ANGPT1: variants seen among roughly 807,000 people sequenced by gnomAD.
ANGPT1 encodes the protein angiopoietin-1.
ANGPT1 carries 17 observed loss-of-function variants against 62.2 expected under a neutral mutation model. The ratio of observed to expected loss-of-function variants is 0.27; its 90% CI spans 0.19 to 0.41. The LOEUF (loss-of-function observed/expected upper bound fraction) is 0.41, where lower values mean the gene tolerates loss of function less well. Ranked by LOEUF, ANGPT1 falls within the 10% of genes least tolerant of loss-of-function variation. ANGPT1 has a pLI of 1.00. For synonymous variants in ANGPT1, 199 were observed against 198.9 expected (o/e 1.00, Z 0.00); for missense variants, 478 against 594.9 (o/e 0.80, Z 2.04).
chr8:107,258,615 G>T (rs1813423614), intron 8 of ANGPT1, among the ~76,000 whole-genome samples: 1 of 152,014 alleles, frequency 6.6e-6, no homozygotes, highest in South Asian at 2.1e-4. Flanking sequence ...CTTTTTCTAA[G>T]AAATGAAACT....
chr8:107,370,738 AAGGAAGAAAAG>A (rs1343893051), intron 1 of ANGPT1, among the ~76,000 whole-genome samples: 1 of 149,946 alleles, frequency 6.7e-6, no homozygotes, highest in Non-Finnish European at 1.5e-5. Flanking sequence ...AGAAGAAAGG[AAGGAAGAAAAG>A]AAGGAAGGAA....
intron 1 of ANGPT1, among the ~76,000 whole-genome samples, chr8:107,473,806 T>C (rs1015656981): frequency 2.6e-5 from 4 of 152,072 alleles, no homozygotes; most frequent in African/African-American, 9.7e-5. Flanking sequence ...ACTTAGTAAG[T>C]AATTTAACTC....
At chr8:107,359,272 G>C (rs1258207035) in intron 1 of ANGPT1, among the ~76,000 whole-genome samples, 1 of 152,088 alleles carries the variant, frequency 6.6e-6, no homozygotes, top group Non-Finnish European at 1.5e-5. Flanking sequence ...TCAGACACAA[G>C]AAGGAACAAA....
intron 7 of ANGPT1, among the ~76,000 whole-genome samples, chr8:107,271,950 C>G (rs1416918869): frequency 6.6e-6 from 1 of 150,942 alleles, no homozygotes; most frequent in African/African-American, 2.4e-5. Flanking sequence ...TCCATGCCAA[C>G]CTAGCCTTTA....
chr8:107,472,667 T>C (rs2130501046), intron 1 of ANGPT1, among the ~76,000 whole-genome samples: 1 of 152,132 alleles, frequency 6.6e-6, no homozygotes, highest in East Asian at 1.9e-4. Flanking sequence ...AAACCATTAT[T>C]ATTCTCATTT....
At chr8:107,337,054 G>A (rs1815585058) in intron 2 of ANGPT1, among the ~76,000 whole-genome samples, 1 of 152,116 alleles carries the variant, frequency 6.6e-6, no homozygotes, top group Non-Finnish European at 1.5e-5. Context: ...TATCACACTA[G>A]GTAATGCTAG....
At chr8:107,434,759 C>T (rs1811290799) in intron 1 of ANGPT1, among the ~76,000 whole-genome samples, 1 of 152,076 alleles carries the variant, frequency 6.6e-6, no homozygotes, top group South Asian at 2.1e-4. Flanking sequence ...ATAATGTTTG[C>T]TTGTAAATGT....
intron 1 of ANGPT1, among the ~76,000 whole-genome samples, chr8:107,458,391 T>C (rs536650962): frequency 3.7e-4 from 56 of 152,288 alleles, no homozygotes; most frequent in South Asian, 2.5e-3. Flanking sequence ...CTTAGGATTG[T>C]CCATGTCAAA....
At chr8:107,455,501 T>A (rs765645188) in intron 1 of ANGPT1, among the ~76,000 whole-genome samples, 3 of 152,010 alleles carry the variant, frequency 2.0e-5, no homozygotes, top group African/African-American at 4.8e-5. Flanking sequence ...GGCAATGTGG[T>A]GAATAAGTGG....
chr8:107,315,426 G>A (rs1160762112), intron 4 of ANGPT1, among the ~76,000 whole-genome samples: 1 of 152,090 alleles, frequency 6.6e-6, no homozygotes, highest in East Asian at 1.9e-4. Context: ...AATGATTTCT[G>A]TTAACTTCCT....
chr8:107,444,533 G>A (rs534393921), intron 1 of ANGPT1, among the ~76,000 whole-genome samples: 1 of 152,260 alleles, frequency 6.6e-6, no homozygotes, highest in East Asian at 1.9e-4. Context: ...AAATGCAAAT[G>A]AAGATTTTGC....
At chr8:107,263,531 G>A (rs1813546170) in intron 8 of ANGPT1, among the ~76,000 whole-genome samples, 1 of 151,978 alleles carries the variant, frequency 6.6e-6, no homozygotes, top group South Asian at 2.1e-4. Flanking sequence ...GTTTTGCCAA[G>A]AAGCATCATT....
intron 2 of ANGPT1, among the ~76,000 whole-genome samples, chr8:107,345,826 T>C (rs948812877): frequency 6.6e-6 from 1 of 152,182 alleles, no homozygotes; most frequent in Admixed American, 6.5e-5. Context: ...GCAAAAAGTA[T>C]TTTCCAAAGC....
chr8:107,312,063 CAAAAAAAA>C (rs927603600), intron 4 of ANGPT1, among the ~76,000 whole-genome samples: 2 of 71,084 alleles, frequency 2.8e-5, no homozygotes, highest in East Asian at 8.6e-4. Flanking sequence ...GACTCCGTTT[CAAAAAAAA>C]AAAAAAAAAA....
chr8:107,331,250 C>T (rs1228033201), intron 3 of ANGPT1, among the ~76,000 whole-genome samples: 1 of 152,030 alleles, frequency 6.6e-6, no homozygotes, highest in African/African-American at 2.4e-5. Flanking sequence ...GTTTCAATCA[C>T]TTAAAATTAA....
Position 107,380,483 on chromosome 8 carries a change from C to T in ANGPT1, c.298-33386G>A, listed in dbSNP as rs74656131. Reference sequence around the variant, plus strand: ...ATGCATACACATTAGAAGCTAGATGCCATTTTGACTGTTTGGATTTTTTTT... The same window carrying T: ...ATGCATACACATTAGAAGCTAGATGTCATTTTGACTGTTTGGATTTTTTTT... On this transcript the variant is annotated intron_variant, in intron 1 of 8. Coordinates refer to ENST00000517746, the MANE Select transcript of ANGPT1 (RefSeq NM_001146.5). Among the ~76,000 whole-genome samples the T allele has an allele frequency of 9.9e-3, 1,505 of 151,464 alleles. 23 individuals are homozygous for T. The highest frequency in any genetic ancestry group is 0.035 in the African/African-American group (1,436 of 41,242).
At chr8:107,371,293 T>C (rs867472676) in intron 1 of ANGPT1, among the ~76,000 whole-genome samples, 8 of 152,212 alleles carry the variant, frequency 5.3e-5, no homozygotes, top group South Asian at 2.1e-4. Flanking sequence ...TTCTAAATCA[T>C]TGAGACTACT....
Position 107,346,939 on chromosome 8 carries a change from T to C in ANGPT1, c.453+3A>G, listed in dbSNP as rs374760754. ...GTCTGTGGACTCTGGCCCTGGGGTGTACCTGGGTCTCAACATCTGTCAGCT... is the reference window on the plus strand; with the variant it reads ...GTCTGTGGACTCTGGCCCTGGGGTGCACCTGGGTCTCAACATCTGTCAGCT... On this transcript the variant is annotated splice_donor_region_variant and intron_variant, in intron 2 of 8. Transcript: ENST00000517746. 24 of 1,609,304 alleles carry C rather than the reference T, an allele frequency of 1.5e-5. No individual in the cohort carries two copies. Among genetic ancestry groups the C allele is most frequent in the African/African-American group, 2.7e-5 (2 of 74,672 alleles).
chr8:107,298,640 T>C (rs1404239574), intron 5 of ANGPT1, among the ~76,000 whole-genome samples: 1 of 151,888 alleles, frequency 6.6e-6, no homozygotes, highest in Non-Finnish European at 1.5e-5. Flanking sequence ...AAGACATTTT[T>C]TTTTGGCATG....
Sources: allele counts gnomAD v4.1 joint callset (sites outside exome capture counted in the v4.1 genomes callset), GRCh38; gene constraint gnomAD v4.1.1; transcripts MANE v1.5; gene names NCBI Gene and HGNC (gene_info 2026-07-23, HGNC 2026-07-21).